SIDT2: variants seen among roughly 807,000 people sequenced by gnomAD.
SIDT2 encodes the protein SID1 transmembrane family, member 2.
SIDT2 carries 68 observed loss-of-function variants against 114.4 expected under a neutral mutation model. The ratio of observed to expected loss-of-function variants is 0.59; its 90% confidence interval spans 0.49 to 0.73. The LOEUF (loss-of-function observed/expected upper bound fraction) is 0.73. Among genes scored for constraint, SIDT2 ranks in the 30% least tolerant of loss-of-function variants. SIDT2 has a pLI of 0.00. For missense variants in SIDT2, 918 were observed against 1,097.1 expected (o/e 0.84, Z 2.31); for synonymous variants, 470 against 438.4 (o/e 1.07, Z -0.90).
rs1311508915 is a variant in SIDT2, at chr11:117,179,215, T to C, written c.-49T>C. The C allele has an allele frequency of 6.4e-7, 1 of 1,574,628 alleles. No homozygotes were observed. The highest frequency in any genetic ancestry group is 8.6e-7 in the Non-Finnish European group (1 of 1,160,976). On this transcript the variant is annotated 5_prime_UTR_variant, in exon 1 of 26. Transcript: ENST00000324225. ...CGTCCCGGAGGTGTCCTGTCTCCTG[T>C]CGCCGCCGCCGCCGCCACCACCGCT...
At chr11:117,184,818 C>T (rs1048124277) in intron 8 of SIDT2, among the ~76,000 whole-genome samples, 15 of 152,128 alleles carry the variant, frequency 9.9e-5, no homozygotes, top group Non-Finnish European at 2.1e-4. Context: ...CTCCGCCTCC[C>T]GGGTTCAAAT....
In SIDT2 at chr11:117,188,888, G is replaced by A. The variant is rs1214900085; in HGVS notation, c.1278+62G>A. 29 of 1,464,496 alleles carry A rather than the reference G, an allele frequency of 2.0e-5. No homozygotes were observed. The highest frequency in any genetic ancestry group is 4.5e-5 in the South Asian group (4 of 88,024). 90.7% of individuals were successfully genotyped at this position (1,464,496 alleles called of 1,614,324 possible). ...TGAGAAAGGGACATTCTGCGTTCCCGCCCCAGCATGTTCCCACTGACGTGG... is the reference window on the plus strand; with the variant it reads ...TGAGAAAGGGACATTCTGCGTTCCCACCCCAGCATGTTCCCACTGACGTGG... On this transcript the variant is annotated intron_variant, in intron 13 of 25. Transcript: ENST00000324225. This position sits in a 1 kb window ranked among gnomAD's most constrained non-coding sequence, Gnocchi z 4.0.
Position 117,195,785 on chromosome 11 carries a change from T to G in SIDT2, c.2323-17T>G. The G allele has an allele frequency of 6.2e-7, 1 of 1,613,832 alleles. No homozygotes were observed. Among genetic ancestry groups the G allele is most frequent in the Non-Finnish European group, 8.5e-7 (1 of 1,179,766 alleles). On this transcript the variant is annotated splice_polypyrimidine_tract_variant and intron_variant, in intron 24 of 25. Transcript: ENST00000324225. ...CAGAGCAGGGTCATTCGGCAGTTTTTCTTGTTGCTCCCCAAGAAAACCCCT... is the reference window on the plus strand; with the variant it reads ...CAGAGCAGGGTCATTCGGCAGTTTTGCTTGTTGCTCCCCAAGAAAACCCCT...
chr11:117,194,268 G>A, intron 24 of SIDT2: 1 of 258,254 alleles, frequency 3.9e-6, no homozygotes, highest in Non-Finnish European at 7.4e-6. Flanking sequence ...AGCCAAGATT[G>A]CACCATTGCA....
rs567906884 is a variant in SIDT2 at position 117,188,007 on chromosome 11, C to T, written c.1159+308C>T. ...TTTGCCAATCAGTGCCTGCCGGCTC[C>T]GGTTGACTGCCGGCTGTGGGGCCAG... On this transcript the variant is annotated intron_variant, in intron 12 of 25. Coordinates refer to ENST00000324225, the MANE Select transcript of SIDT2 (RefSeq NM_001040455.2). The surrounding 1 kb of genome is among the most constrained non-coding windows in gnomAD (Gnocchi z 4.0). The T allele has an allele frequency of 7.4e-5, 44 of 596,174 alleles. No homozygotes were observed. The highest frequency in any genetic ancestry group is 2.4e-4 in the African/African-American group (13 of 54,838). 36.9% of individuals were successfully genotyped at this position (596,174 alleles called of 1,614,324 possible).
At position 117,192,797 on chromosome 11, in the gene SIDT2, C is replaced by G. The variant is rs1565289038; in HGVS notation, c.2059-23C>G. The G allele has an allele frequency of 6.2e-7, 1 of 1,614,086 alleles. No homozygotes were observed. Reference sequence around the variant, plus strand: ...ACCCTCCCTGCCCCTGCCCTCAGTCCCTGTGTCCCTGCTTCCCTCCAGGAC... The same window carrying G: ...ACCCTCCCTGCCCCTGCCCTCAGTCGCTGTGTCCCTGCTTCCCTCCAGGAC... On this transcript the variant is annotated intron_variant, in intron 21 of 25. Coordinates refer to ENST00000324225, the MANE Select transcript of SIDT2 (RefSeq NM_001040455.2). This position sits in a 1 kb window ranked among gnomAD's most constrained non-coding sequence, Gnocchi z 5.9.
chr11:117,179,179 C>G lies in SIDT2; in HGVS notation c.-85C>G. ...GGTGAGATGCTGGAAGCTGCGGCCGCAGCCGCAACCCGTCCCGGAGGTGTC... is the reference window on the plus strand; with the variant it reads ...GGTGAGATGCTGGAAGCTGCGGCCGGAGCCGCAACCCGTCCCGGAGGTGTC... On this transcript the variant is annotated 5_prime_UTR_variant, in exon 1 of 26. Transcript: ENST00000324225. The G allele has an allele frequency of 7.3e-7, 1 of 1,363,624 alleles. No homozygotes were observed. The highest frequency in any genetic ancestry group is 1.0e-6 in the Non-Finnish European group (1 of 999,362). The allele number at this position is 1,363,624 out of a possible 1,614,324, so 84.5% of individuals were successfully genotyped here.
Position 117,179,232 on chromosome 11 carries a change from A to G in SIDT2, c.-32A>G, listed in dbSNP as rs1230255402. The G allele has an allele frequency of 9.4e-6, 15 of 1,595,732 alleles. No homozygotes were observed. Among genetic ancestry groups the G allele is most frequent in the East Asian group, 2.2e-5 (1 of 44,674 alleles). On this transcript the variant is annotated 5_prime_UTR_variant, in exon 1 of 26. Transcript: ENST00000324225. The stretch of plus-strand genomic sequence containing the variant: ...GTCTCCTGTCGCCGCCGCCGCCGCC[A>G]CCACCGCTGCCACTGCCGCCCTGCC...
Position 117,179,389 on chromosome 11 carries a change from G to C in SIDT2, c.126G>C (p.Glu42Asp). 6.2e-7 allele frequency: 1 copy of C among 1,613,692 alleles called. No individual in the cohort carries two copies. The highest frequency in any genetic ancestry group is 8.5e-7 in the Non-Finnish European group (1 of 1,179,890). Reference sequence around the variant, plus strand: ...AGTTTGAGCGCACCTACGTGGACGAGGTCAACAGCGAGCTGGTCAACATCT... The same window carrying C: ...AGTTTGAGCGCACCTACGTGGACGACGTCAACAGCGAGCTGGTCAACATCT... ...DAEFERTYVD[E>D]VNSELVNIYT... Residue 42 changes from glutamate (E) to aspartate (D), a missense_variant, in exon 1 of 26, where the codon GAG becomes GAC. Physicochemically the swap from Glu to Asp is conservative, Grantham distance 45. Around this residue, in one of 4 missense-constraint regions of SIDT2, gnomAD observed 553 missense variants for 600.1 expected, o/e 0.92. Coordinates refer to ENST00000324225, the MANE Select transcript of SIDT2 (RefSeq NM_001040455.2).
chr11:117,193,715 G>A (rs1376406456), intron 23 of SIDT2, 138 bp from the exon 24 acceptor site: 11 of 627,992 alleles, frequency 1.8e-5, no homozygotes, highest in Middle Eastern at 4.2e-4. Context: ...GTGGTTGTGC[G>A]GAATGGTATG....
chr11:117,195,473 AGAAGGCCTTCTGCCATCTCTGAGCT>A (rs2030864386), intron 24 of SIDT2, among the ~76,000 whole-genome samples: 1 of 152,222 alleles, frequency 6.6e-6, no homozygotes, highest in Non-Finnish European at 1.5e-5. Context: ...GAAGTGGGTG[AGAAGGCCTTCTGCCATCTCTGAGCT>A]GAAGGCCTTC....
rs1241161079 is a variant in SIDT2, at chr11:117,195,904, G to T, written c.2425G>T (p.Gly809Trp). ...CTTCCTCTCCTCCATCGCCATGTTC[G>T]GGTCCTTCCTGGTAAGCGGGCCTCC... ...WHFLSSIAMF[G>W]SFLVLLTLDD... Residue 809 changes from glycine to tryptophan, a missense_variant, in exon 25 of 26, where the codon GGG becomes TGG. By Grantham distance (184) the Gly-to-Trp change is radical. This residue lies in a region of SIDT2 where 275 missense variants were observed against 397.6 expected (regional missense o/e 0.69). Transcript: ENST00000324225. 6.2e-7 allele frequency: 1 copy of T among 1,614,108 alleles called. No individual in the cohort carries two copies. Among genetic ancestry groups the T allele is most frequent in the Non-Finnish European group, 8.5e-7 (1 of 1,180,052 alleles).
chr11:117,196,276 G>A lies in SIDT2; in HGVS notation c.*210G>A. 1 of 644,746 alleles carries A rather than the reference G, an allele frequency of 1.6e-6. No homozygotes were observed. The highest frequency in any genetic ancestry group is 2.6e-6 in the Non-Finnish European group (1 of 379,634). 39.9% of individuals were successfully genotyped at this position (644,746 alleles called of 1,614,324 possible). A position where few individuals can be genotyped will look rare whatever the true frequency, so the allele number is the denominator to read the frequency against. On this transcript the variant is annotated 3_prime_UTR_variant, in exon 26 of 26. Coordinates refer to ENST00000324225, the MANE Select transcript of SIDT2 (RefSeq NM_001040455.2). This position sits in a 1 kb window ranked among gnomAD's most constrained non-coding sequence, Gnocchi z 4.9. Reference sequence around the variant, plus strand: ...CTGCCCTCTGCCGAGGAGCAGGCCTGCTCCCCTGGAACCCCCAGATGTTGG... The same window carrying A: ...CTGCCCTCTGCCGAGGAGCAGGCCTACTCCCCTGGAACCCCCAGATGTTGG...
At position 117,189,087 on chromosome 11, in the gene SIDT2, GC is replaced by G. The variant is rs576415267; in HGVS notation, c.1279-78del. On this transcript the variant is annotated intron_variant, in intron 13 of 25. Coordinates refer to ENST00000324225, the MANE Select transcript of SIDT2 (RefSeq NM_001040455.2). ...CTGAATTCGGCCCTGTGTGAGGGAG[GC>G]CCCTCTTGTCCACCTCTAACCTGGG... 1.1e-3 allele frequency: 1,604 copies of G among 1,404,028 alleles called. 22 individuals carry two copies. The South Asian group carries it at 0.012, about 10-fold the overall frequency. The allele number at this position is 1,404,028 out of a possible 1,614,324, so 87.0% of individuals were successfully genotyped here.
At chr11:117,193,432 A>AC (rs973771692) in intron 23 of SIDT2, among the ~76,000 whole-genome samples, 174 bp downstream of exon 23, 1 of 152,132 alleles carries the variant, frequency 6.6e-6, no homozygotes, top group African/African-American at 2.4e-5. Flanking sequence ...CAGCCCAAAG[A>AC]CCATTTACTG....
At position 117,190,866 on chromosome 11, in the gene SIDT2, C is replaced by T; in HGVS notation, c.1735+126C>T. 1.4e-6 allele frequency: 1 copy of T among 717,524 alleles called. No homozygotes were observed. Among genetic ancestry groups the T allele is most frequent in the Non-Finnish European group, 2.5e-6 (1 of 404,320 alleles). The allele number at this position is 717,524 out of a possible 1,614,324, so 44.4% of individuals were successfully genotyped here. On this transcript the variant is annotated intron_variant, in intron 18 of 25. Coordinates refer to ENST00000324225, the MANE Select transcript of SIDT2 (RefSeq NM_001040455.2). This position sits in a 1 kb window ranked among gnomAD's most constrained non-coding sequence, Gnocchi z 4.1. The stretch of plus-strand genomic sequence containing the variant: ...TGTAGGAAACTCCAAGGCTGGCGTG[C>T]CTGGGTGTGCACACATCCTAGCCTA...
rs1591764031 is a variant in SIDT2, at chr11:117,179,271, C to T, written c.8C>T (p.Ala3Val). The change falls in exon 1 of 26, where the codon GCT becomes GTT. Residue 3 changes from alanine (A) to valine (V), a missense_variant. Transcript: ENST00000324225. MF[A>V]LGLPFLVLLV... is the part of the protein sequence containing the mutation. The stretch of plus-strand genomic sequence containing the variant: ...TGCCGCCCTGCCGGGGCCATGTTCG[C>T]TCTGGGCTTGCCCTTCTTGGTGCTC... The T allele has an allele frequency of 6.2e-7, 1 of 1,612,614 alleles. No homozygotes were observed.
At chr11:117,195,116 T>TAAAAAAAAAAAA (rs1555038313) in intron 24 of SIDT2, among the ~76,000 whole-genome samples, 2 of 35,402 alleles carry the variant, frequency 5.6e-5, no homozygotes, top group Non-Finnish European at 1.8e-4. Flanking sequence ...AAAAAAAAAG[T>TAAAAAAAAAAAA]CTTGGGTAAT....
At position 117,190,350 on chromosome 11, in the gene SIDT2, C is replaced by T. The variant is rs1366412927; in HGVS notation, c.1617+61C>T. The T allele has an allele frequency of 2.0e-6, 3 of 1,517,578 alleles. No individual in the cohort carries two copies. Among genetic ancestry groups the T allele is most frequent in the South Asian group, 2.7e-5 (2 of 75,084 alleles). The allele number at this position is 1,517,578 out of a possible 1,614,324, so 94.0% of individuals were successfully genotyped here. A position where few individuals can be genotyped will look rare whatever the true frequency, so the allele number is the denominator to read the frequency against. On this transcript the variant is annotated intron_variant, in intron 17 of 25. Coordinates refer to ENST00000324225, the MANE Select transcript of SIDT2 (RefSeq NM_001040455.2). This position sits in a 1 kb window ranked among gnomAD's most constrained non-coding sequence, Gnocchi z 4.1. ...CTCCAGCACAGACCTCAAGCCTTGG[C>T]TCCAGGACACCCTTTTGGGCAGGCC...
Sources: gnomAD v4.1 joint callset for allele counts (sites outside exome capture counted in the v4.1 genomes callset) on GRCh38, gnomAD v4.1.1 for gene constraint, gnomAD v4.1.1 regional missense constraint, Gnocchi (gnomAD v3.1) non-coding constraint, MANE v1.5 for transcripts, NCBI Gene and HGNC (gene_info 2026-07-23, HGNC 2026-07-21) for gene names.